Variants in CCDC13 observed in about 807,000 individuals in gnomAD.
CCDC13 encodes the protein coiled-coil domain containing 13, also known as coiled-coil domain-containing protein 13.
Under a neutral mutation model 87.3 loss-of-function variants are expected in CCDC13, and 70 were observed. That is an observed-to-expected ratio of 0.80 (90% CI 0.66 to 0.98). The LOEUF (loss-of-function observed/expected upper bound fraction) is 0.98. Among genes scored for constraint, CCDC13 ranks in the 50% least tolerant of loss-of-function variants. CCDC13 has a pLI of 0.00. For missense variants in CCDC13, 842 were observed against 892.0 expected (o/e 0.94, Z 0.71); for synonymous variants, 317 against 360.3 (o/e 0.88, Z 1.36).
At position 42,707,935 on chromosome 3, in the gene CCDC13, AAGGGCAACACTGACAGTCAT is replaced by A. The variant is rs1416064144; in HGVS notation, c.*1025_*1044del. On this transcript the variant is annotated 3_prime_UTR_variant, in exon 16 of 16. Coordinates refer to ENST00000310232, the MANE Select transcript of CCDC13 (RefSeq NM_144719.4). ...TATAAGTGCATAGTTACAGCTGAGA[AAGGGCAACACTGACAGTCAT>A]AGAGGCCTGCGGATCTTAGGGTGCC... Among the ~76,000 whole-genome samples the A allele has an allele frequency of 6.6e-6, 1 of 152,132 alleles. No homozygotes were observed. The highest frequency in any genetic ancestry group is 2.4e-5 in the African/African-American group (1 of 41,418).
At chr3:42,768,999 G>A (rs549303746) in intron 1 of CCDC13, among the ~76,000 whole-genome samples, 29 of 151,772 alleles carry the variant, frequency 1.9e-4, no homozygotes, top group East Asian at 2.0e-4. Context: ...TTAGCTGGGC[G>A]TGGTGGCAGG....
chr3:42,744,111 G>C (rs1355645998), intron 7 of CCDC13, among the ~76,000 whole-genome samples: 1 of 152,170 alleles, frequency 6.6e-6, no homozygotes, highest in East Asian at 1.9e-4. Context: ...TAGCGGAAGG[G>C]ACATGGAATC....
At chr3:42,730,866 C>T (rs1698812214) in intron 12 of CCDC13, among the ~76,000 whole-genome samples, 1 of 152,128 alleles carries the variant, frequency 6.6e-6, no homozygotes, top group Admixed American at 6.5e-5. Context: ...TGGAATTAGT[C>T]TGGTGCTGTG....
chr3:42,731,216 C>T (rs987728849), intron 12 of CCDC13, among the ~76,000 whole-genome samples: 4 of 151,984 alleles, frequency 2.6e-5, no homozygotes, highest in Admixed American at 2.6e-4. Flanking sequence ...TGTGCCCCCA[C>T]TTTTCCCAGT....
chr3:42,746,092 A>C, intron 6 of CCDC13, 65 bp from the exon 7 acceptor site: 1 of 1,165,812 alleles, frequency 8.6e-7, no homozygotes, highest in African/African-American at 1.5e-5. Flanking sequence ...TGATGCTGCT[A>C]CGTATTTAGA....
chr3:42,719,620 G>A (rs555822440), intron 13 of CCDC13: 1 of 152,128 alleles, frequency 6.6e-6, no homozygotes, highest in East Asian at 1.9e-4. Flanking sequence ...TTTTCAAGAC[G>A]GCCCAGCAAA....
chr3:42,763,373 G>A (rs1271675166), intron 1 of CCDC13, among the ~76,000 whole-genome samples: 2 of 152,082 alleles, frequency 1.3e-5, no homozygotes, highest in African/African-American at 4.8e-5. Flanking sequence ...AGACATTTTT[G>A]TTTGGCTCTT....
intron 7 of CCDC13, among the ~76,000 whole-genome samples, chr3:42,743,700 A>G (rs1699306964): frequency 6.6e-6 from 1 of 150,440 alleles, no homozygotes. Flanking sequence ...GGGTTTCACC[A>G]TGTTGCCCAG....
intron 8 of CCDC13, among the ~76,000 whole-genome samples, chr3:42,740,468 C>T (rs1008042283): frequency 6.6e-6 from 1 of 152,138 alleles, no homozygotes; most frequent in African/African-American, 2.4e-5. Context: ...CTACTATGGG[C>T]TTAGTATTGT....
intron 2 of CCDC13, among the ~76,000 whole-genome samples, chr3:42,757,823 A>C (rs1575329662): frequency 6.6e-6 from 1 of 152,228 alleles, no homozygotes; most frequent in East Asian, 1.9e-4. Context: ...TCAATAATAA[A>C]AAATAGAAAT....
Position 42,715,252 on chromosome 3 carries a change from T to C in CCDC13, c.1719-1936A>G, listed in dbSNP as rs369296444. Among the ~76,000 whole-genome samples the C allele has an allele frequency of 8.7e-5, 13 of 150,206 alleles. No homozygotes were observed. The East Asian group carries it at 2.5e-3, about 29-fold the overall frequency. On this transcript the variant is annotated intron_variant, in intron 13 of 15. Coordinates refer to ENST00000310232, the MANE Select transcript of CCDC13 (RefSeq NM_144719.4). Reference sequence around the variant, plus strand: ...TGAACCAGGGAGGTGGAGGTTACAGTGAGCTGAGATTGTGCCATTGTACTC... The same window carrying C: ...TGAACCAGGGAGGTGGAGGTTACAGCGAGCTGAGATTGTGCCATTGTACTC...
At chr3:42,737,441 G>A (rs1377720852) in intron 9 of CCDC13, among the ~76,000 whole-genome samples, 1 of 152,214 alleles carries the variant, frequency 6.6e-6, no homozygotes, top group Non-Finnish European at 1.5e-5. Flanking sequence ...TAATGGGATT[G>A]CTGGATCAAA....
intron 1 of CCDC13, among the ~76,000 whole-genome samples, chr3:42,759,045 T>G (rs373502330): frequency 2.6e-5 from 4 of 152,218 alleles, no homozygotes; most frequent in African/African-American, 9.6e-5. Flanking sequence ...CCAGGTTGGG[T>G]GCAGTGGCTC....
intron 14 of CCDC13, among the ~76,000 whole-genome samples, chr3:42,711,811 A>C (rs1698319672): frequency 6.6e-6 from 1 of 152,226 alleles, no homozygotes; most frequent in Non-Finnish European, 1.5e-5. Flanking sequence ...GTTAAAAGCC[A>C]GTAGGCAGCA....
chr3:42,735,034 G>A (rs938328443), intron 10 of CCDC13, among the ~76,000 whole-genome samples: 7 of 152,246 alleles, frequency 4.6e-5, no homozygotes, highest in Admixed American at 3.3e-4. Flanking sequence ...CACAGCGTGA[G>A]AGAAGTTTGG....
chr3:42,728,102 T>C (rs1698733075), intron 13 of CCDC13, among the ~76,000 whole-genome samples: 1 of 152,078 alleles, frequency 6.6e-6, no homozygotes, highest in Non-Finnish European at 1.5e-5. Flanking sequence ...ACTAGAAAAA[T>C]TGATAAAATG....
At chr3:42,769,361 A>C (rs967820488) in intron 1 of CCDC13, among the ~76,000 whole-genome samples, 38 of 152,326 alleles carry the variant, frequency 2.5e-4, no homozygotes, top group Non-Finnish European at 5.9e-5. Flanking sequence ...AAGCAACAAG[A>C]ATTTCTATTT....
chr3:42,758,250 T>C lies in CCDC13; in HGVS notation c.96A>G (p.Lys32=). ...TGAGGCTCAGTTCTTTTTCCCTCTT[T>C]TTCTCCATCTGCTTCTGTAACCGTT... ...QHKRLQKQME[K]KREKELSLKS... The change falls in exon 2 of 16, where the codon AAA becomes AAG. Residue 32 remains lysine (K), a synonymous_variant. Coordinates refer to ENST00000310232, the MANE Select transcript of CCDC13 (RefSeq NM_144719.4). 1 of 1,613,900 alleles carries C rather than the reference T, an allele frequency of 6.2e-7. No individual in the cohort carries two copies. The highest frequency in any genetic ancestry group is 2.2e-5 in the East Asian group (1 of 44,886).
In CCDC13 at chr3:42,707,717, T is replaced by G. The variant is rs1698210051; in HGVS notation, c.*1263A>C. The stretch of plus-strand genomic sequence containing the variant: ...CCACATCCACATGTGTGTGCTCATC[T>G]GCACCTGTGTGTCCATGAGTGTGCA... On this transcript the variant is annotated 3_prime_UTR_variant, in exon 16 of 16. Coordinates refer to ENST00000310232, the MANE Select transcript of CCDC13 (RefSeq NM_144719.4). Among the ~76,000 whole-genome samples the G allele has an allele frequency of 6.6e-6, 1 of 152,378 alleles. No homozygotes were observed. The highest frequency in any genetic ancestry group is 1.5e-5 in the Non-Finnish European group (1 of 68,032).
Sources: allele counts gnomAD v4.1 joint callset (sites outside exome capture counted in the v4.1 genomes callset), GRCh38; gene constraint gnomAD v4.1.1; transcripts MANE v1.5; gene names NCBI Gene and HGNC (gene_info 2026-07-23, HGNC 2026-07-21).